MICU2: variants seen among roughly 807,000 people sequenced by gnomAD.
The protein encoded by MICU2 is calcium uptake protein 2, mitochondrial.
In MICU2, 64 loss-of-function variants were observed where a neutral mutation model predicts 60.4. The ratio of observed to expected loss-of-function variants is 1.06; its 90% CI spans 0.87 to 1.31. The LOEUF (loss-of-function observed/expected upper bound fraction) is 1.31, where lower values mean the gene tolerates loss of function less well. Among genes scored for constraint, MICU2 ranks in the 50% most tolerant of loss-of-function variants. MICU2 has a pLI of 0.00. For synonymous variants in MICU2, 201 were observed against 175.0 expected (o/e 1.15, Z -1.17); for missense variants, 569 against 531.0 (o/e 1.07, Z -0.70).
chr13:21,580,124 G>A (rs1215938052), intron 1 of MICU2, among the ~76,000 whole-genome samples: 1 of 152,100 alleles, frequency 6.6e-6, no homozygotes, highest in Non-Finnish European at 1.5e-5. Flanking sequence ...GTGTCAAATG[G>A]GGAAATGTGA....
intron 4 of MICU2, among the ~76,000 whole-genome samples, chr13:21,531,563 AG>A (rs1433305087): frequency 1.3e-5 from 2 of 152,218 alleles, no homozygotes; most frequent in African/African-American, 2.4e-5. Context: ...AGTCCCATAA[AG>A]GAACTTTTGT....
chr13:21,541,358 A>C (rs117610991), intron 2 of MICU2, among the ~76,000 whole-genome samples: 1,929 of 152,276 alleles, frequency 0.013, 21 homozygotes, highest in Non-Finnish European at 0.017. Context: ...ATAAAATTCA[A>C]TACTATGTGA....
chr13:21,587,172 A>T (rs1194167182), intron 1 of MICU2, among the ~76,000 whole-genome samples: 1 of 152,192 alleles, frequency 6.6e-6, no homozygotes, highest in Non-Finnish European at 1.5e-5. Context: ...GACTGGTTAC[A>T]TATGGGGCAA....
rs1044940296 is a variant in MICU2, at chr13:21,502,751, C to T, written c.933+175G>A. The T allele has an allele frequency of 2.5e-5, 10 of 404,370 alleles. No individual in the cohort carries two copies. The African/African-American group carries it at 5.2e-4, about 21-fold the overall frequency. 25.0% of individuals were successfully genotyped at this position (404,370 alleles called of 1,614,324 possible). On this transcript the variant is annotated intron_variant, in intron 9 of 11. Coordinates refer to ENST00000382374, the MANE Select transcript of MICU2 (RefSeq NM_152726.3). ...AAAACTTGTAATTGCTACACTGATT[C>T]TGTCTTAGGCAGTTTTCCTTTACAG...
intron 9 of MICU2, among the ~76,000 whole-genome samples, chr13:21,501,221 G>A (rs1179916666): frequency 6.6e-6 from 1 of 151,860 alleles, no homozygotes; most frequent in Non-Finnish European, 1.5e-5. Flanking sequence ...TAGTTACCAA[G>A]GTTTGATAAT....
chr13:21,595,187 T>C (rs1279815246), intron 1 of MICU2, among the ~76,000 whole-genome samples: 1 of 152,192 alleles, frequency 6.6e-6, no homozygotes, highest in African/African-American at 2.4e-5. Context: ...ATACCGGCTG[T>C]CAATTTATTG....
At chr13:21,530,965 A>T in intron 4 of MICU2, 2 of 774,922 alleles carry the variant, frequency 2.6e-6, no homozygotes, top group Non-Finnish European at 2.4e-6. Flanking sequence ...TTACAGTGAC[A>T]AATATACACT....
chr13:21,573,116 A>C (rs1029749978), intron 1 of MICU2, among the ~76,000 whole-genome samples: 7 of 152,338 alleles, frequency 4.6e-5, no homozygotes, highest in African/African-American at 1.7e-4. Context: ...TACCAGGGCT[A>C]TATCTACATA....
chr13:21,553,214 A>G (rs1887618017), intron 2 of MICU2, among the ~76,000 whole-genome samples: 1 of 152,168 alleles, frequency 6.6e-6, no homozygotes, highest in African/African-American at 2.4e-5. Context: ...GAGTTCACTC[A>G]TGATTTGGCT....
chr13:21,559,955 T>C (rs1303445014), intron 2 of MICU2, among the ~76,000 whole-genome samples: 1 of 152,262 alleles, frequency 6.6e-6, no homozygotes, highest in Non-Finnish European at 1.5e-5. Context: ...TATCTTATTG[T>C]AGTCACTAAT....
At chr13:21,569,081 T>C (rs375305465) in intron 1 of MICU2, among the ~76,000 whole-genome samples, 1 of 152,126 alleles carries the variant, frequency 6.6e-6, no homozygotes, top group South Asian at 2.1e-4. Flanking sequence ...GAATTGAAAC[T>C]AAGGCTCGCT....
intron 2 of MICU2, among the ~76,000 whole-genome samples, chr13:21,564,449 TGCAAAGGG>T (rs1237336865): frequency 1.2e-4 from 19 of 152,172 alleles, no homozygotes; most frequent in Admixed American, 1.1e-3. Flanking sequence ...GCCTTATTAT[TGCAAAGGG>T]GCCTGCTCTA....
chr13:21,544,524 A>AAC lies in MICU2; in HGVS notation c.359-4837_359-4836insGT, dbSNP rs1555273301. Reference sequence around the variant, plus strand: ...ATGACCAATAAACACATGAAAAAAAAAAAAAAAAAACTCAATACCACTGAT... The same window carrying AAC: ...ATGACCAATAAACACATGAAAAAAAAACAAAAAAAAAACTCAATACCACTGAT... On this transcript the variant is annotated intron_variant, in intron 2 of 11. Coordinates refer to ENST00000382374, the MANE Select transcript of MICU2 (RefSeq NM_152726.3). 7.3e-3 allele frequency among the ~76,000 whole-genome samples: 1,071 copies of AAC among 146,670 alleles called. 27 individuals carry two copies. The highest frequency in any genetic ancestry group is 0.025 in the African/African-American group (1,016 of 40,432).
At chr13:21,587,003 A>G (rs982245578) in intron 1 of MICU2, among the ~76,000 whole-genome samples, 4 of 152,142 alleles carry the variant, frequency 2.6e-5, no homozygotes, top group Non-Finnish European at 4.4e-5. Flanking sequence ...TATAATCTAT[A>G]TCCTAGGAAA....
Position 21,550,856 on chromosome 13 carries a change from A to G in MICU2, c.359-11168T>C, listed in dbSNP as rs1413789011. Among the ~76,000 whole-genome samples the G allele has an allele frequency of 2.0e-5, 3 of 152,220 alleles. No homozygotes were observed. The East Asian group carries it at 5.8e-4, about 29-fold the overall frequency. ...GAGGAAACCTAGACTAATAGCTTAT[A>G]TAACTTTGCCCACAGACACAATACT... On this transcript the variant is annotated intron_variant, in intron 2 of 11. Coordinates refer to ENST00000382374, the MANE Select transcript of MICU2 (RefSeq NM_152726.3).
chr13:21,538,014 C>T (rs1887176439), intron 4 of MICU2, among the ~76,000 whole-genome samples: 1 of 151,640 alleles, frequency 6.6e-6, no homozygotes, highest in African/African-American at 2.4e-5. Context: ...TTGTATTGTC[C>T]ACCTCTCCTT....
chr13:21,509,942 C>G (rs1886385866), intron 8 of MICU2, 62 bp downstream of exon 8: 1 of 909,878 alleles, frequency 1.1e-6, no homozygotes. Flanking sequence ...TGAATATATT[C>G]TGTTTCTCTT....
chr13:21,600,456 C>A (rs1458840443), intron 1 of MICU2, among the ~76,000 whole-genome samples: 1 of 152,178 alleles, frequency 6.6e-6, no homozygotes, highest in Admixed American at 6.5e-5. Context: ...GTATTTAACC[C>A]TACCACAGCA....
chr13:21,549,073 C>T (rs892934835), intron 2 of MICU2, among the ~76,000 whole-genome samples: 3 of 151,702 alleles, frequency 2.0e-5, no homozygotes, highest in Non-Finnish European at 2.9e-5. Flanking sequence ...CTACAGGCGC[C>T]CGCCACCACA....
Sources: allele counts gnomAD v4.1 joint callset (sites outside exome capture counted in the v4.1 genomes callset), GRCh38; gene constraint gnomAD v4.1.1; transcripts MANE v1.5; gene names NCBI Gene and HGNC (gene_info 2026-07-23, HGNC 2026-07-21).